The following QSER1 variants were observed in gnomAD, a reference collection of about 807,000 sequenced individuals.
The protein encoded by QSER1 is glutamine and serine-rich protein 1.
Under a neutral mutation model 158.5 loss-of-function variants are expected in QSER1, and 49 were observed. The observed-to-expected ratio is 0.31, with a 90% CI of 0.25 to 0.39. The LOEUF is 0.39. Among genes scored for constraint, QSER1 ranks in the 10% least tolerant of loss-of-function variants. The pLI is 1.00. For missense variants in QSER1, 1,754 were observed against 2,010.3 expected (o/e 0.87, Z 2.44); for synonymous variants, 650 against 715.5 (o/e 0.91, Z 1.46).
At chr11:32,970,584 C>T (rs1193575651) in intron 10 of QSER1, among the ~76,000 whole-genome samples, 3 of 152,042 alleles carry the variant, frequency 2.0e-5, no homozygotes, top group Admixed American at 6.6e-5. Flanking sequence ...TTTGTGTTTT[C>T]AGTAGAGACA....
At chr11:32,947,560 T>C (rs1169137623) in intron 4 of QSER1, among the ~76,000 whole-genome samples, 2 of 152,182 alleles carry the variant, frequency 1.3e-5, no homozygotes, top group East Asian at 3.8e-4. Flanking sequence ...GAGTGATGGA[T>C]AGATTAAACA....
chr11:32,964,982 T>C (rs1156972242), intron 8 of QSER1, among the ~76,000 whole-genome samples: 1 of 151,870 alleles, frequency 6.6e-6, no homozygotes, highest in Non-Finnish European at 1.5e-5. Context: ...CACCTCAGCC[T>C]CCCAAGTAGC....
intron 1 of QSER1, among the ~76,000 whole-genome samples, chr11:32,908,533 A>T (rs966341729): frequency 2.0e-5 from 3 of 152,202 alleles, no homozygotes; most frequent in Non-Finnish European, 4.4e-5. Context: ...TAGTGAAAAC[A>T]AACATCTTCT....
chr11:32,919,693 C>T lies in QSER1; in HGVS notation c.210-7464C>T, dbSNP rs148709518. Among the ~76,000 whole-genome samples, 1,167 of 152,300 alleles carry T rather than the reference C, an allele frequency of 7.7e-3. 44 individuals carry two copies. Among genetic ancestry groups the T allele is most frequent in the Admixed American group, 0.061 (937 of 15,294 alleles). ...AAGGCGTCACTGTGTGCAGTCCACACCTGAGTGGGGAGTTATGGTCTCCCT... is the reference window on the plus strand; with the variant it reads ...AAGGCGTCACTGTGTGCAGTCCACATCTGAGTGGGGAGTTATGGTCTCCCT... On this transcript the variant is annotated intron_variant, in intron 1 of 12. Transcript: ENST00000650167.
Position 32,935,165 on chromosome 11 carries a change from A to T in QSER1, c.3907A>T (p.Asn1303Tyr), listed in dbSNP as rs926828048. The T allele has an allele frequency of 6.2e-7, 1 of 1,614,072 alleles. No homozygotes were observed. The highest frequency in any genetic ancestry group is 8.5e-7 in the Non-Finnish European group (1 of 1,179,994). ...TTCCACTCTTGCTGTACGAATGCCT[A>T]ACAGGACTAGACGGCCAGGGACCCA... Reference protein sequence around the residue: ...QFSTLAVRMPNRTRRPGTQMV... With the variant: ...QFSTLAVRMPYRTRRPGTQMV... The change falls in exon 4 of 13, where the codon AAC (asparagine) becomes TAC (tyrosine). Residue 1303 changes from asparagine (N) to tyrosine (Y), a missense_variant. Around this residue, in one of 2 missense-constraint regions of QSER1, gnomAD observed 1,707 missense variants for 1,919.6 expected, o/e 0.89. Coordinates refer to ENST00000650167, the MANE Select transcript of QSER1 (RefSeq NM_001076786.3).
chr11:32,949,751 G>T (rs1327794373), intron 4 of QSER1, among the ~76,000 whole-genome samples: 1 of 152,188 alleles, frequency 6.6e-6, no homozygotes, highest in African/African-American at 2.4e-5. Context: ...ATATTCATCT[G>T]TATTTCCTCA....
At chr11:32,961,825 T>C (rs896280841) in intron 8 of QSER1, among the ~76,000 whole-genome samples, 6 of 152,222 alleles carry the variant, frequency 3.9e-5, no homozygotes, top group Non-Finnish European at 8.8e-5. Flanking sequence ...AAAGCATATA[T>C]CATAACTTCA....
chr11:32,970,603 C>G (rs1311084193), intron 10 of QSER1, among the ~76,000 whole-genome samples: 1 of 152,136 alleles, frequency 6.6e-6, no homozygotes, highest in African/African-American at 2.4e-5. Context: ...CAGGGTTTCA[C>G]CATGTTGGTC....
chr11:32,921,269 GTTT>G (rs1372297474), intron 1 of QSER1, among the ~76,000 whole-genome samples: 1 of 152,214 alleles, frequency 6.6e-6, no homozygotes. Context: ...GTATGATTCA[GTTT>G]TTATGAGTTA....
At chr11:32,960,726 G>A (rs1184636880) in intron 8 of QSER1, among the ~76,000 whole-genome samples, 1 of 152,160 alleles carries the variant, frequency 6.6e-6, no homozygotes, top group African/African-American at 2.4e-5. Flanking sequence ...TTCTTCAAAT[G>A]ACAAGGTAAC....
intron 1 of QSER1, among the ~76,000 whole-genome samples, chr11:32,903,193 G>T (rs1262232011): frequency 6.6e-6 from 1 of 151,906 alleles, no homozygotes; most frequent in Non-Finnish European, 1.5e-5. Flanking sequence ...AAAAGTTTTT[G>T]CAGAAAACTT....
chr11:32,916,855 C>T (rs1162289151), intron 1 of QSER1, among the ~76,000 whole-genome samples: 3 of 151,260 alleles, frequency 2.0e-5, no homozygotes, highest in Admixed American at 2.0e-4. Flanking sequence ...GGCGTGATCT[C>T]AGCTCACTGC....
chr11:32,903,950 C>A (rs920785143), intron 1 of QSER1, among the ~76,000 whole-genome samples: 1 of 152,104 alleles, frequency 6.6e-6, no homozygotes, highest in Admixed American at 6.5e-5. Flanking sequence ...AATGAGACTA[C>A]AAGTTTTGTA....
chr11:32,958,014 T>C lies in QSER1; in HGVS notation c.4897T>C (p.Trp1633Arg), dbSNP rs763045408. ...AEPPPKKRKK[W>R]KEEFSSSQSD... The stretch of plus-strand genomic sequence containing the variant: ...GCCACCACCAAAGAAACGGAAAAAA[T>C]GGAAAGAAGAATTTTCATCATCCCA... Residue 1633 changes from tryptophan to arginine, a missense_variant, in exon 8 of 13, where the codon TGG becomes CGG. Coordinates refer to ENST00000650167, the MANE Select transcript of QSER1 (RefSeq NM_001076786.3). 2 of 1,613,758 alleles carry C rather than the reference T, an allele frequency of 1.2e-6. 1 individual carries two copies. Among genetic ancestry groups the C allele is most frequent in the Non-Finnish European group, 1.7e-6 (2 of 1,179,932 alleles).
At chr11:32,948,077 G>T (rs1462141399) in intron 4 of QSER1, among the ~76,000 whole-genome samples, 1 of 152,200 alleles carries the variant, frequency 6.6e-6, no homozygotes, top group Non-Finnish European at 1.5e-5. Flanking sequence ...CCTGGGTACA[G>T]TGCAGCCGTT....
At chr11:32,899,468 TTTC>T (rs1448361748) in intron 1 of QSER1, among the ~76,000 whole-genome samples, 1 of 152,252 alleles carries the variant, frequency 6.6e-6, no homozygotes, top group Non-Finnish European at 1.5e-5. Context: ...AAAACACAGT[TTTC>T]TTTTATTCAT....
chr11:32,974,778 ATTAG>A (rs1258578098), intron 11 of QSER1, among the ~76,000 whole-genome samples: 12 of 152,340 alleles, frequency 7.9e-5, no homozygotes, highest in Middle Eastern at 3.4e-3. Flanking sequence ...ATAGCCAATT[ATTAG>A]TTAGGTCAAA....
chr11:32,975,546 A>G (rs1852961359), intron 12 of QSER1: 1 of 1,422,470 alleles, frequency 7.0e-7, no homozygotes, highest in Admixed American at 2.2e-5. Flanking sequence ...GAGCCTCACC[A>G]CCTCTTGTAG....
At chr11:32,955,457 C>A in intron 6 of QSER1, 45 bp downstream of exon 6, 3 of 899,182 alleles carry the variant, frequency 3.3e-6, no homozygotes, top group South Asian at 1.6e-5. Context: ...TGACAGTGGT[C>A]CTGAGAAAAA....
Sources: gnomAD v4.1 joint callset for allele counts (sites outside exome capture counted in the v4.1 genomes callset) on GRCh38, gnomAD v4.1.1 for gene constraint, gnomAD v4.1.1 regional missense constraint, MANE v1.5 for transcripts, NCBI Gene and HGNC (gene_info 2026-07-23, HGNC 2026-07-21) for gene names.